KLRC2: variants seen among roughly 807,000 people sequenced by gnomAD.
The protein encoded by KLRC2 is NKG2-C type II integral membrane protein.
In KLRC2, 10 loss-of-function variants were observed where a neutral mutation model predicts 25.5. That is an observed-to-expected ratio of 0.39 (90% CI 0.24 to 0.67). KLRC2 has a LOEUF of 0.67. Among genes scored for constraint, KLRC2 ranks in the 30% least tolerant of loss-of-function variants. The pLI, the probability that KLRC2 is intolerant of heterozygous loss-of-function variation, is 0.45. For missense variants in KLRC2, 170 were observed against 272.8 expected (o/e 0.62, Z 2.65); for synonymous variants, 48 against 93.3 (o/e 0.51, Z 2.80).
At chr12:10,435,076 T>C (rs1384475130) in intron 2 of KLRC2, 1 of 1,061,792 alleles carries the variant, frequency 9.4e-7, no homozygotes, top group African/African-American at 1.8e-5. Context: ...TTATAAAAAG[T>C]AATATTTAGA....
rs1200890485 is a variant in KLRC2 at position 10,430,789 on chromosome 12, A to T, written c.*328T>A. ...CAATTAGTGGTCATCTCCTATTTCAACCTCCCTGAGACATTGGCAACCACT... is the reference window on the plus strand; with the variant it reads ...CAATTAGTGGTCATCTCCTATTTCATCCTCCCTGAGACATTGGCAACCACT... On this transcript the variant is annotated 3_prime_UTR_variant, in exon 6 of 6. Transcript: ENST00000381902. 8.1e-6 allele frequency: 2 copies of T among 248,232 alleles called. No individual in the cohort carries two copies. Among genetic ancestry groups the T allele is most frequent in the Non-Finnish European group, 1.3e-5 (2 of 150,372 alleles). 15.4% of individuals were successfully genotyped at this position (248,232 alleles called of 1,614,324 possible).
At position 10,432,355 on chromosome 12, in the gene KLRC2, A is replaced by G. The variant is rs1863825292; in HGVS notation, c.484-149T>C. On this transcript the variant is annotated intron_variant, in intron 4 of 5. Coordinates refer to ENST00000381902, the MANE Select transcript of KLRC2 (RefSeq NM_002260.4). Reference sequence around the variant, plus strand: ...TTTAAATGAACTCTTCAACGTTTATACTTAGTACTTTCATTCTTATTCTCA... The same window carrying G: ...TTTAAATGAACTCTTCAACGTTTATGCTTAGTACTTTCATTCTTATTCTCA... 1.7e-5 allele frequency: 8 copies of G among 464,422 alleles called. No individual in the cohort carries two copies. The Admixed American group carries it at 3.0e-4, about 18-fold the overall frequency. 28.8% of individuals were successfully genotyped at this position (464,422 alleles called of 1,614,324 possible).
chr12:10,431,168 T>C lies in KLRC2; in HGVS notation c.645A>G (p.Lys215=), dbSNP rs1360605937. 1 of 1,549,024 alleles carries C rather than the reference T, an allele frequency of 6.5e-7. No individual in the cohort carries two copies. Among genetic ancestry groups the C allele is most frequent in the South Asian group, 1.1e-5 (1 of 89,050 alleles). The change falls in exon 6 of 6, where the codon AAA becomes AAG. Residue 215 remains lysine, a synonymous_variant. Coordinates refer to ENST00000381902, the MANE Select transcript of KLRC2 (RefSeq NM_002260.4). ...TCATTGAAGATCCACACTGGGCTGA[T>C]TTAAGTCGATTTACTTGTAGCACTG... The part of the protein sequence containing the change: ...NCAVLQVNRL[K]SAQCGSSMIY...
intron 5 of KLRC2, among the ~76,000 whole-genome samples, chr12:10,431,597 G>C (rs1863816949): frequency 7.1e-6 from 1 of 141,762 alleles, no homozygotes; most frequent in African/African-American, 2.7e-5. Flanking sequence ...CTATTATTGT[G>C]CTTTGAGGAT....
intron 5 of KLRC2, among the ~76,000 whole-genome samples, chr12:10,431,749 T>C (rs1428133364): frequency 7.6e-6 from 1 of 132,410 alleles, no homozygotes. Context: ...CCAACACAAA[T>C]ACGTAAACTT....
chr12:10,433,463 G>C lies in KLRC2; in HGVS notation c.483+328C>G, dbSNP rs1383284749. On this transcript the variant is annotated intron_variant, in intron 4 of 5. Coordinates refer to ENST00000381902, the MANE Select transcript of KLRC2 (RefSeq NM_002260.4). ...CTAGAGCTGGAAACTTTTATTTCAT[G>C]ATCTGACTTGTATCACATGCATTCA... Among the ~76,000 whole-genome samples, 6 of 141,932 alleles carry C rather than the reference G, an allele frequency of 4.2e-5. 1 individual carries two copies. The highest frequency in any genetic ancestry group is 6.9e-5 in the Admixed American group (1 of 14,504). 93.1% of individuals were successfully genotyped at this position (141,932 alleles called of 152,430 possible). A position where few individuals can be genotyped will look rare whatever the true frequency, so the allele number is the denominator to read the frequency against.
At position 10,433,300 on chromosome 12, in the gene KLRC2, T is replaced by C. The variant is rs1264277719; in HGVS notation, c.483+491A>G. ...ATATCAGATAGGATTGAAAAAGACATGAAATTCACACTGCTTGATTCCCTT... is the reference window on the plus strand; with the variant it reads ...ATATCAGATAGGATTGAAAAAGACACGAAATTCACACTGCTTGATTCCCTT... On this transcript the variant is annotated intron_variant, in intron 4 of 5. Transcript: ENST00000381902. Among the ~76,000 whole-genome samples the C allele has an allele frequency of 2.8e-5, 4 of 141,740 alleles. 1 individual carries two copies. In the East Asian group the frequency reaches 8.4e-4, roughly 30 times the overall value. The allele number at this position is 141,740 out of a possible 152,430, so 93.0% of individuals were successfully genotyped here.
intron 4 of KLRC2, 141 bp downstream of exon 4, chr12:10,433,650 T>C: frequency 1.0e-6 from 1 of 996,002 alleles, no homozygotes; most frequent in Non-Finnish European, 1.4e-6. Flanking sequence ...TTAAAAACAT[T>C]ATTAAGTCAA....
At position 10,431,119 on chromosome 12, in the gene KLRC2, A is replaced by C; in HGVS notation, c.694T>G (p.Ter232GluextTer2). ...CTGCAAACGCAAATGCTTTACTTCT[A>C]AAGCTTATGCTTACAATGATATATC... is the stretch of plus-strand genomic sequence containing the variant. ...SMIYHCKHKL[*>E] is the part of the protein sequence containing the mutation. Residue 232 changes from the stop codon to glutamate (E), a stop_lost, in exon 6 of 6, where the codon TAG becomes GAG. Coordinates refer to ENST00000381902, the MANE Select transcript of KLRC2 (RefSeq NM_002260.4). 1 of 1,515,614 alleles carries C rather than the reference A, an allele frequency of 6.6e-7. No homozygotes were observed. Among genetic ancestry groups the C allele is most frequent in the South Asian group, 1.1e-5 (1 of 87,706 alleles). 93.9% of individuals were successfully genotyped at this position (1,515,614 alleles called of 1,614,324 possible). A position where few individuals can be genotyped will look rare whatever the true frequency, so the allele number is the denominator to read the frequency against.
Position 10,430,803 on chromosome 12 carries a change from T to C in KLRC2, c.*314A>G, listed in dbSNP as rs549916884. 14 of 302,256 alleles carry C rather than the reference T, an allele frequency of 4.6e-5. 3 individuals are homozygous for C. The highest frequency in any genetic ancestry group is 2.6e-4 in the East Asian group (2 of 7,710). 18.7% of individuals were successfully genotyped at this position (302,256 alleles called of 1,614,324 possible). A position where few individuals can be genotyped will look rare whatever the true frequency, so the allele number is the denominator to read the frequency against. ...CTCCTATTTCAACCTCCCTGAGACA[T>C]TGGCAACCACTATTCTACTTTCTGT... On this transcript the variant is annotated 3_prime_UTR_variant, in exon 6 of 6. Coordinates refer to ENST00000381902, the MANE Select transcript of KLRC2 (RefSeq NM_002260.4).
rs567300483 is a variant in KLRC2 at position 10,433,784 on chromosome 12, A to G, written c.483+7T>C. On this transcript the variant is annotated splice_region_variant and intron_variant, in intron 4 of 5. Coordinates refer to ENST00000381902, the MANE Select transcript of KLRC2 (RefSeq NM_002260.4). ...TTCATAAAATGTTTGAAACATTTAC[A>G]TCTTACCATTTCTTCTTCATTATCT... 15 of 1,547,792 alleles carry G rather than the reference A, an allele frequency of 9.7e-6. 4 individuals are homozygous for G. In the African/African-American group the frequency reaches 1.9e-4, roughly 20 times the overall value.
chr12:10,434,179 C>A, intron 3 of KLRC2: 1 of 710,960 alleles, frequency 1.4e-6, no homozygotes, highest in Non-Finnish European at 2.3e-6. Flanking sequence ...AAAATACACT[C>A]TACACATGTG....
intron 5 of KLRC2, among the ~76,000 whole-genome samples, chr12:10,431,569 A>C (rs1166863567): frequency 7.0e-6 from 1 of 142,084 alleles, no homozygotes; most frequent in Admixed American, 6.9e-5. Flanking sequence ...AAAAAATTAT[A>C]GCAATATGCC....
Position 10,433,845 on chromosome 12 carries a change from C to T in KLRC2, c.429G>A (p.Leu143=). The T allele has an allele frequency of 6.5e-7, 1 of 1,550,166 alleles. No homozygotes were observed. The highest frequency in any genetic ancestry group is 8.8e-7 in the Non-Finnish European group (1 of 1,136,122). The change falls in exon 4 of 6, where the codon CTG becomes CTA. Residue 143 remains leucine, a synonymous_variant. Coordinates refer to ENST00000381902, the MANE Select transcript of KLRC2 (RefSeq NM_002260.4). ...GACTGGAGTTCTTCGAAGTACAGGC[C>T]AGCAAACTCTCTTCCCAAGTTCTTC... ...KERRTWEESL[L]ACTSKNSSLL... is the part of the protein sequence containing the mutation.
In KLRC2 at chr12:10,431,904, AACCAAGAAGGTTACTAGCAG is replaced by A. The variant is rs1863820613; in HGVS notation, c.584+182_584+201del. Among the ~76,000 whole-genome samples the A allele has an allele frequency of 1.4e-5, 2 of 141,002 alleles. 1 individual carries two copies. The highest frequency in any genetic ancestry group is 3.1e-5 in the Non-Finnish European group (2 of 64,618). The allele number at this position is 141,002 out of a possible 152,430, so 92.5% of individuals were successfully genotyped here. A position where few individuals can be genotyped will look rare whatever the true frequency, so the allele number is the denominator to read the frequency against. On this transcript the variant is annotated intron_variant, in intron 5 of 5. Transcript: ENST00000381902. ...ATGGGACACCCCTGGTCCATCTGATAACCAAGAAGGTTACTAGCAGACCAATGAGCGGTTGAAATATATGG... is the reference window on the plus strand; with the variant it reads ...ATGGGACACCCCTGGTCCATCTGATAACCAATGAGCGGTTGAAATATATGG...
rs779777725 is a variant in KLRC2 at position 10,435,872 on chromosome 12, A to C, written c.115T>G (p.Phe39Val). Residue 39 changes from phenylalanine to valine, a missense_variant, in exon 1 of 6, where the codon TTC (phenylalanine) becomes GTC (valine). Physicochemically the swap from Phe to Val is conservative, Grantham distance 50. Transcript: ENST00000381902. ...SSISGTEQEI[F>V]QVELNLQNPS... ...TTTTGAAGATTTAATTCTACTTGGA[A>C]TATTTCCTGTTCGGTTCCTGAAATG... 7 of 1,591,914 alleles carry C rather than the reference A, an allele frequency of 4.4e-6. No individual in the cohort carries two copies. Among genetic ancestry groups the C allele is most frequent in the Non-Finnish European group, 6.0e-6 (7 of 1,168,306 alleles).
At chr12:10,432,661 G>A (rs1400697880) in intron 4 of KLRC2, among the ~76,000 whole-genome samples, 2 of 136,986 alleles carry the variant, frequency 1.5e-5, no homozygotes, top group African/African-American at 5.6e-5. Context: ...TATCCGATTC[G>A]GTTTTTGCGG....
rs756293912 is a variant in KLRC2, at chr12:10,433,977, T to A, written c.332-35A>T. 2.0e-6 allele frequency: 3 copies of A among 1,523,178 alleles called. No individual in the cohort carries two copies. The African/African-American group carries it at 4.5e-5, about 23-fold the overall frequency. The allele number at this position is 1,523,178 out of a possible 1,614,324, so 94.4% of individuals were successfully genotyped here. ...ATATGAATTACTATCTAGACCAATA[T>A]GAATTTTTAAAAATGAAAATTAGTT... On this transcript the variant is annotated intron_variant, in intron 3 of 5. Transcript: ENST00000381902.
chr12:10,433,992 G>T, intron 3 of KLRC2, 50 bp from the exon 4 acceptor site: 1 of 1,516,238 alleles, frequency 6.6e-7, no homozygotes, highest in South Asian at 1.2e-5. Flanking sequence ...TTTTAAAAAT[G>T]AAAATTAGTT....
Sources: gnomAD v4.1 joint callset for allele counts (sites outside exome capture counted in the v4.1 genomes callset) on GRCh38, gnomAD v4.1.1 for gene constraint, MANE v1.5 for transcripts, NCBI Gene and HGNC (gene_info 2026-07-23, HGNC 2026-07-21) for gene names.